The following DLG5 variants were observed in gnomAD, a reference collection of about 807,000 sequenced individuals.
DLG5 encodes disks large homolog 5.
In DLG5, 48 loss-of-function variants were observed where a neutral mutation model predicts 189.8. The observed-to-expected ratio is 0.25, with a 90% CI of 0.20 to 0.32. DLG5 has a LOEUF of 0.32. Ranked by LOEUF, DLG5 falls within the 10% of genes least tolerant of loss-of-function variation. The pLI, the probability that DLG5 is intolerant of heterozygous loss-of-function variation, is 1.00. For missense variants in DLG5, 2,160 were observed against 2,544.7 expected (o/e 0.85, Z 3.25); for synonymous variants, 1,016 against 1,054.1 (o/e 0.96, Z 0.70).
chr10:77,800,716 T>G (rs1200138999), intron 27 of DLG5, among the ~76,000 whole-genome samples: 1 of 152,230 alleles, frequency 6.6e-6, no homozygotes, highest in Non-Finnish European at 1.5e-5. Context: ...AGGTTTTCCC[T>G]TAAAGCCATT....
chr10:77,915,641 CT>C (rs1203359299), intron 1 of DLG5, among the ~76,000 whole-genome samples: 2 of 152,200 alleles, frequency 1.3e-5, no homozygotes, highest in African/African-American at 2.4e-5. Flanking sequence ...CCACAGAACC[CT>C]TTTAGGGCAT....
intron 5 of DLG5, among the ~76,000 whole-genome samples, chr10:77,853,147 ATT>A (rs71030909): frequency 3.3e-4 from 47 of 143,760 alleles, no homozygotes; most frequent in Admixed American, 8.4e-4. Flanking sequence ...TGTCCAGCTA[ATT>A]TTTTTTTTTT....
In DLG5 at chr10:77,807,785, G is replaced by T. The variant is rs1310321126; in HGVS notation, c.4796+11C>A. ...TTCCAAATCTCCCACCGATTCCCCA[G>T]CCACTGGTACCTGATGTAGAAGCTG... On this transcript the variant is annotated intron_variant, in intron 25 of 31. Coordinates refer to ENST00000372391, the MANE Select transcript of DLG5 (RefSeq NM_004747.4). 6.2e-7 allele frequency: 1 copy of T among 1,609,634 alleles called. No individual in the cohort carries two copies.
chr10:77,833,971 C>T lies in DLG5; in HGVS notation c.1691G>A (p.Ser564Asn). The T allele has an allele frequency of 1.9e-6, 3 of 1,607,620 alleles. No individual in the cohort carries two copies. The highest frequency in any genetic ancestry group is 1.7e-6 in the Non-Finnish European group (2 of 1,179,964). ...AVSELAEALR[S>N]LDDTRKQKND... is the part of the protein sequence containing the mutation. Reference sequence around the variant, plus strand: ...CTTCTGCTTGCGGGTGTCATCCAGGCTGCGCAGGGCCTCAGCCAGCTCGCT... The same window carrying T: ...CTTCTGCTTGCGGGTGTCATCCAGGTTGCGCAGGGCCTCAGCCAGCTCGCT... The change falls in exon 9 of 32, where the codon AGC becomes AAC. Residue 564 changes from serine (S) to asparagine (N), a missense_variant. By Grantham distance (46) the Ser-to-Asn change is conservative. Around this residue, in one of 5 missense-constraint regions of DLG5, gnomAD observed 664 missense variants for 838.5 expected, o/e 0.79. Coordinates refer to ENST00000372391, the MANE Select transcript of DLG5 (RefSeq NM_004747.4).
the DLG5 span, among the ~76,000 whole-genome samples, chr10:77,933,738 C>T: frequency 1.5e-4 from 23 of 150,380 alleles, no homozygotes; most frequent in Admixed American, 5.3e-4. Context: ...AAAAAAATTG[C>T]GTTTCTTTTC....
At position 77,835,397 on chromosome 10, in the gene DLG5, C is replaced by T. The variant is rs113751323; in HGVS notation, c.1622+341G>A. Among the ~76,000 whole-genome samples, 316 of 152,254 alleles carry T rather than the reference C, an allele frequency of 2.1e-3. 2 individuals are homozygous for T. Among genetic ancestry groups the T allele is most frequent in the African/African-American group, 7.3e-3 (303 of 41,516 alleles). The stretch of plus-strand genomic sequence containing the variant: ...AAGACCCTGGCACACAGTAGGCGCC[C>T]GGTGAATACTGCTGAAAGGACACAC... On this transcript the variant is annotated intron_variant, in intron 8 of 31. Coordinates refer to ENST00000372391, the MANE Select transcript of DLG5 (RefSeq NM_004747.4).
chr10:77,845,287 C>A (rs1843630850), intron 5 of DLG5: 1 of 152,220 alleles, frequency 6.6e-6, no homozygotes, highest in South Asian at 2.1e-4. Context: ...AATGCCCAGG[C>A]TAGACCAGGA....
At chr10:77,853,209 T>C (rs939390501) in intron 5 of DLG5, 145 bp downstream of exon 5, 3 of 630,284 alleles carry the variant, frequency 4.8e-6, no homozygotes, top group Non-Finnish European at 7.0e-6. Flanking sequence ...TCTCAAGCAA[T>C]CTCTCACCTT....
rs1279061097 is a variant in DLG5 at position 77,814,461 on chromosome 10, T to TTTTA, written c.4026-2085_4026-2084insTAAA. ...TATGTACATAAATAATAAAGCATGT[T>TTTTA]TATATATATATATATATATATATAT... On this transcript the variant is annotated intron_variant, in intron 20 of 31. Coordinates refer to ENST00000372391, the MANE Select transcript of DLG5 (RefSeq NM_004747.4). Among the ~76,000 whole-genome samples, 380 of 70,652 alleles carry TTTTA rather than the reference T, an allele frequency of 5.4e-3. 4 individuals carry two copies. The highest frequency in any genetic ancestry group is 0.014 in the East Asian group (27 of 1,918). 46.4% of individuals were successfully genotyped at this position (70,652 alleles called of 152,430 possible).
At chr10:77,824,780 G>T in intron 13 of DLG5, 1 of 316,554 alleles carries the variant, frequency 3.2e-6, no homozygotes, top group East Asian at 6.0e-5. Flanking sequence ...CATGTGGCGT[G>T]GGACCTTGGC....
intron 1 of DLG5, among the ~76,000 whole-genome samples, chr10:77,897,798 A>C (rs1300421515): frequency 6.6e-6 from 1 of 152,190 alleles, no homozygotes; most frequent in Non-Finnish European, 1.5e-5. Context: ...GGTAGAATTA[A>C]AGAAAAAAAA....
At chr10:77,877,767 C>T (rs970709560) in intron 1 of DLG5, among the ~76,000 whole-genome samples, 1 of 152,090 alleles carries the variant, frequency 6.6e-6, no homozygotes, top group African/African-American at 2.4e-5. Flanking sequence ...ATGGGGCCAT[C>T]GTGCTATGCC....
At chr10:77,797,160 A>G (rs906896825) in intron 27 of DLG5, among the ~76,000 whole-genome samples, 10 of 152,204 alleles carry the variant, frequency 6.6e-5, no homozygotes, top group African/African-American at 2.4e-4. Flanking sequence ...CACATCAACC[A>G]CAGCTCAGAC....
chr10:77,847,081 T>C (rs1448956203), intron 5 of DLG5, among the ~76,000 whole-genome samples: 2 of 152,094 alleles, frequency 1.3e-5, no homozygotes, highest in Non-Finnish European at 1.5e-5. Flanking sequence ...CCAGGGATGA[T>C]TCAGGGCCGT....
intron 26 of DLG5, 29 bp downstream of exon 26, chr10:77,806,729 A>G (rs754037825): frequency 7.4e-6 from 6 of 809,808 alleles, no homozygotes; most frequent in South Asian, 1.5e-5. Flanking sequence ...CCCCTGCCCC[A>G]CCCCACCCCA....
chr10:77,934,198 C>T, the DLG5 span, among the ~76,000 whole-genome samples: 1 of 151,396 alleles, frequency 6.6e-6, no homozygotes, highest in Non-Finnish European at 1.5e-5. Flanking sequence ...TGGAGAAACC[C>T]CCGTCTCCAC....
intron 5 of DLG5, among the ~76,000 whole-genome samples, chr10:77,852,005 G>C (rs1844000067): frequency 6.6e-6 from 1 of 152,164 alleles, no homozygotes; most frequent in Non-Finnish European, 1.5e-5. Context: ...GAGGAGATGG[G>C]AACAGGATGG....
At chr10:77,907,999 C>T (rs1846113553) in intron 1 of DLG5, among the ~76,000 whole-genome samples, 1 of 152,176 alleles carries the variant, frequency 6.6e-6, no homozygotes, top group African/African-American at 2.4e-5. Context: ...CCATGTGTGG[C>T]CATGAACCTG....
intron 6 of DLG5, among the ~76,000 whole-genome samples, 173 bp from the exon 7 acceptor site, chr10:77,842,366 C>T (rs372128841): frequency 3.9e-5 from 6 of 152,226 alleles, no homozygotes; most frequent in African/African-American, 7.2e-5. Flanking sequence ...CCAGTGCCCC[C>T]GGACCTGGAA....
Sources: allele counts gnomAD v4.1 joint callset (sites outside exome capture counted in the v4.1 genomes callset), GRCh38; gene constraint gnomAD v4.1.1; regional missense constraint gnomAD v4.1.1; transcripts MANE v1.5; gene names NCBI Gene and HGNC (gene_info 2026-07-23, HGNC 2026-07-21).